Variants in SDCBP observed in about 807,000 individuals in gnomAD.
SDCBP encodes the protein syntenin-1.
SDCBP carries 22 observed loss-of-function variants against 30.5 expected under a neutral mutation model. The observed-to-expected ratio is 0.72, with a 90% confidence interval of 0.52 to 1.03. The LOEUF (loss-of-function observed/expected upper bound fraction) is 1.03, where lower values mean the gene tolerates loss of function less well. Among genes scored for constraint, SDCBP ranks in the 50% least tolerant of loss-of-function variants. The pLI is 0.00. For synonymous variants in SDCBP, 103 were observed against 118.7 expected, an observed-to-expected ratio of 0.87 and a Z score of 0.86; for missense variants, 304 against 369.9, an observed-to-expected ratio of 0.82 and a Z score of 1.46.
chr8:58,553,576 G>GCTGGGGCTGGGC (rs1803931134), intron 1 of SDCBP, among the ~76,000 whole-genome samples: 5 of 152,188 alleles, frequency 3.3e-5, no homozygotes, highest in Admixed American at 3.3e-4. Context: ...TGGGGCTGGG[G>GCTGGGGCTGGGC]CTGGGGCTGG....
chr8:58,568,818 G>A (rs1052214087), intron 2 of SDCBP, among the ~76,000 whole-genome samples: 3 of 152,156 alleles, frequency 2.0e-5, no homozygotes, highest in African/African-American at 2.4e-5. Context: ...TTCACTGCTC[G>A]AAAAATTCTT....
chr8:58,565,185 C>T (rs1324317320), intron 2 of SDCBP, 101 bp downstream of exon 2: 37 of 514,316 alleles, frequency 7.2e-5, no homozygotes, highest in Non-Finnish European at 1.2e-4. Context: ...TATATTTGTT[C>T]ATTTTTACAC....
chr8:58,563,456 G>T (rs182546160), intron 1 of SDCBP, among the ~76,000 whole-genome samples: 3 of 151,982 alleles, frequency 2.0e-5, no homozygotes, highest in African/African-American at 7.3e-5. Flanking sequence ...CTTTTGGGGA[G>T]GATGGAAATA....
chr8:58,575,330 G>C (rs1299275203), intron 4 of SDCBP, among the ~76,000 whole-genome samples: 2 of 152,142 alleles, frequency 1.3e-5, no homozygotes, highest in Non-Finnish European at 2.9e-5. Flanking sequence ...ATATGACACA[G>C]GTCCCTAATG....
Position 58,575,970 on chromosome 8 carries a change from G to A in SDCBP, c.311G>A (p.Arg104His), listed in dbSNP as rs371193260. 41 of 1,613,342 alleles carry A rather than the reference G, an allele frequency of 2.5e-5. No homozygotes were observed. The highest frequency in any genetic ancestry group is 3.2e-5 in the Non-Finnish European group (38 of 1,179,542). Residue 104 changes from arginine to histidine, a missense_variant, in exon 5 of 9, where the codon CGT becomes CAT. Transcript: ENST00000260130. ...GTAACTGGTAATGATGTTGGAATTC[G>A]TAGAGCAGAAATTAAGCAAGGGATT... Reference protein sequence around the residue: ...APVTGNDVGIRRAEIKQGIRE... With the variant: ...APVTGNDVGIHRAEIKQGIRE...
chr8:58,570,448 T>G (rs532073658), intron 2 of SDCBP, among the ~76,000 whole-genome samples: 4 of 148,650 alleles, frequency 2.7e-5, no homozygotes, highest in African/African-American at 1.0e-4. Flanking sequence ...ATGCTTAGTA[T>G]TAATTTTTTA....
In SDCBP at chr8:58,565,016, T is replaced by C. The variant is rs758015552; in HGVS notation, c.-15-3T>C. On this transcript the variant is annotated splice_polypyrimidine_tract_variant and splice_region_variant and intron_variant, in intron 1 of 8. Coordinates refer to ENST00000260130, the MANE Select transcript of SDCBP (RefSeq NM_005625.4). ...AGTAATAAAACTTTCTTTTTTTCTT[T>C]AGAAGAATCCTGCAAAAATGTCTCT... 1 of 1,568,326 alleles carries C rather than the reference T, an allele frequency of 6.4e-7. No homozygotes were observed. Among genetic ancestry groups the C allele is most frequent in the East Asian group, 2.3e-5 (1 of 43,724 alleles).
At chr8:58,568,158 AAC>A (rs1804805099) in intron 2 of SDCBP, among the ~76,000 whole-genome samples, 1 of 152,236 alleles carries the variant, frequency 6.6e-6, no homozygotes, top group African/African-American at 2.4e-5. Context: ...CATAGTTTAA[AAC>A]ACAAACATTG....
chr8:58,570,574 T>C, intron 2 of SDCBP: 1 of 201,546 alleles, frequency 5.0e-6, no homozygotes, highest in Non-Finnish European at 9.9e-6. Context: ...TAAAATTTAT[T>C]CATTTTAGAA....
chr8:58,572,171 TA>T, intron 3 of SDCBP, 33 bp from the exon 4 acceptor site: 1 of 1,302,340 alleles, frequency 7.7e-7, no homozygotes, highest in Non-Finnish European at 1.1e-6. Flanking sequence ...GTGTATTCTG[TA>T]AGTGCTTTTT....
chr8:58,580,104 GAAT>G (rs1805597233), intron 7 of SDCBP, among the ~76,000 whole-genome samples: 1 of 152,116 alleles, frequency 6.6e-6, no homozygotes, highest in African/African-American at 2.4e-5. Flanking sequence ...ATAAGGAAAT[GAAT>G]AATAGTTTTG....
chr8:58,572,800 CTTTT>C (rs947602204), intron 4 of SDCBP, among the ~76,000 whole-genome samples: 3 of 83,140 alleles, frequency 3.6e-5, no homozygotes, highest in African/African-American at 1.5e-4. Flanking sequence ...TGCTCATAAT[CTTTT>C]TTTTTTTTTT....
intron 4 of SDCBP, 79 bp downstream of exon 4, chr8:58,572,393 A>T: frequency 1.1e-6 from 1 of 926,464 alleles, no homozygotes; most frequent in Non-Finnish European, 1.7e-6. Context: ...TTTGTGGCTA[A>T]CTCACAGATA....
Position 58,570,973 on chromosome 8 carries a change from T to C in SDCBP, c.130+8T>C. ...CTATCCCTCACGATGGAAGTAGGTT[T>C]ATACTTTGAGTTCATTCTCTGTGAA... On this transcript the variant is annotated splice_region_variant and intron_variant, in intron 3 of 8. Transcript: ENST00000260130. 3 of 1,589,178 alleles carry C rather than the reference T, an allele frequency of 1.9e-6. No homozygotes were observed. The highest frequency in any genetic ancestry group is 2.6e-6 in the Non-Finnish European group (3 of 1,157,942).
At chr8:58,556,573 C>T (rs1435508724) in intron 1 of SDCBP, among the ~76,000 whole-genome samples, 1 of 152,100 alleles carries the variant, frequency 6.6e-6, no homozygotes, top group Non-Finnish European at 1.5e-5. Flanking sequence ...AGGTTAATAA[C>T]TCAGAAAATG....
At chr8:58,567,483 G>C (rs2129607789) in intron 2 of SDCBP, among the ~76,000 whole-genome samples, 1 of 152,308 alleles carries the variant, frequency 6.6e-6, no homozygotes, top group East Asian at 1.9e-4. Flanking sequence ...ATCTGCACCA[G>C]AGCAGTACAT....
intron 3 of SDCBP, 72 bp from the exon 4 acceptor site, chr8:58,572,133 A>G: frequency 1.2e-6 from 1 of 844,738 alleles, no homozygotes; most frequent in Non-Finnish European, 1.9e-6. Flanking sequence ...AATACGCAGA[A>G]GCCCATAATG....
intron 1 of SDCBP, among the ~76,000 whole-genome samples, chr8:58,554,748 A>G (rs1804005681): frequency 6.6e-6 from 1 of 152,194 alleles, no homozygotes. Context: ...TAGGTATTAA[A>G]TGCCAAGAGA....
In SDCBP at chr8:58,572,248, G is replaced by C. The variant is rs774862550; in HGVS notation, c.174G>C (p.Gly58=). Residue 58 remains glycine (G), a synonymous_variant, in exon 4 of 9, where the codon GGG becomes GGC. Coordinates refer to ENST00000260130, the MANE Select transcript of SDCBP (RefSeq NM_005625.4). The part of the protein sequence containing the change: ...RLYPELSQYM[G]LSLNEEEIRA... ...ATCCAGAGCTCTCTCAATACATGGG[G>C]CTGAGTTTAAATGAAGAAGAAATAC... is the stretch of plus-strand genomic sequence containing the variant. 2.5e-6 allele frequency: 4 copies of C among 1,611,958 alleles called. No homozygotes were observed. The highest frequency in any genetic ancestry group is 3.4e-6 in the Non-Finnish European group (4 of 1,179,650).
Sources: allele counts gnomAD v4.1 joint callset (sites outside exome capture counted in the v4.1 genomes callset), GRCh38; gene constraint gnomAD v4.1.1; transcripts MANE v1.5; gene names NCBI Gene and HGNC (gene_info 2026-07-23, HGNC 2026-07-21).